Variants in IPCEF1 observed in about 807,000 individuals in gnomAD.
The protein encoded by IPCEF1 is interactor protein for cytohesin exchange factors 1.
A neutral mutation model predicts 50.9 loss-of-function variants in IPCEF1; 31 were observed. The observed-to-expected ratio is 0.61, with a 90% CI of 0.46 to 0.82. The LOEUF (loss-of-function observed/expected upper bound fraction) is 0.82, where lower values mean the gene tolerates loss of function less well. Ranked by LOEUF, IPCEF1 falls within the 40% of genes least tolerant of loss-of-function variation. The pLI, the probability that IPCEF1 is intolerant of heterozygous loss-of-function variation, is 0.00. For synonymous variants in IPCEF1, 181 were observed against 192.0 expected (o/e 0.94, Z 0.47); for missense variants, 458 against 514.0 (o/e 0.89, Z 1.05).
At chr6:154,355,711 A>T (rs1784205666) in intron 1 of IPCEF1, among the ~76,000 whole-genome samples, 1 of 150,724 alleles carries the variant, frequency 6.6e-6, no homozygotes, top group Non-Finnish European at 1.5e-5. Context: ...CTGGTCTCGA[A>T]CTCCTGACCT....
rs946217411 is a variant in IPCEF1 at position 154,256,537 on chromosome 6, G to A, written c.37-9049C>T. Among the ~76,000 whole-genome samples, 15 of 146,122 alleles carry A rather than the reference G, an allele frequency of 1.0e-4. 1 individual carries two copies. The highest frequency in any genetic ancestry group is 1.5e-4 in the African/African-American group (6 of 39,640). ...TCTTTCTCTCTGTGTCTCTGTCTCC[G>A]TCTCTCTCTCTCTCTCTCTCTCTCT... On this transcript the variant is annotated intron_variant, in intron 3 of 11. Coordinates refer to ENST00000367220, the MANE Select transcript of IPCEF1 (RefSeq NM_001130700.2).
intron 1 of IPCEF1, among the ~76,000 whole-genome samples, chr6:154,331,919 G>A (rs1783681326): frequency 6.6e-6 from 1 of 152,086 alleles, no homozygotes; most frequent in African/African-American, 2.4e-5. Context: ...GTCTGATAGG[G>A]CACTTGGTTT....
intron 1 of IPCEF1, among the ~76,000 whole-genome samples, chr6:154,295,347 C>T (rs1448377025): frequency 6.6e-6 from 1 of 152,234 alleles, no homozygotes; most frequent in East Asian, 1.9e-4. Flanking sequence ...GACCACTGCC[C>T]TGGCATCTGC....
intron 1 of IPCEF1, among the ~76,000 whole-genome samples, chr6:154,336,311 T>C (rs971152950): frequency 5.8e-4 from 88 of 152,350 alleles, no homozygotes; most frequent in African/African-American, 1.9e-3. Flanking sequence ...ATGTGGTATA[T>C]GTACACAATG....
intron 1 of IPCEF1, among the ~76,000 whole-genome samples, chr6:154,341,057 A>T (rs1156699133): frequency 1.3e-5 from 2 of 152,152 alleles, no homozygotes; most frequent in Non-Finnish European, 2.9e-5. Flanking sequence ...CTCAAAGTGG[A>T]GAGGGGGCTT....
chr6:154,347,751 AT>A (rs1446851529), intron 1 of IPCEF1, among the ~76,000 whole-genome samples: 2 of 152,168 alleles, frequency 1.3e-5, no homozygotes, highest in Non-Finnish European at 2.9e-5. Context: ...TGCCTAGAAT[AT>A]TTCATAGGCC....
rs533550796 is a variant in IPCEF1, at chr6:154,320,495, G to A, written c.-61-30739C>T. Among the ~76,000 whole-genome samples, 3 of 152,248 alleles carry A rather than the reference G, an allele frequency of 2.0e-5. No individual in the cohort carries two copies. The South Asian group carries it at 6.2e-4, about 32-fold the overall frequency. The stretch of plus-strand genomic sequence containing the variant: ...AACTGGCTCTAATACCGATTTTAGT[G>A]CATCTGAGAATTTAAATAAACCTTA... On this transcript the variant is annotated intron_variant, in intron 1 of 11. Coordinates refer to ENST00000367220, the MANE Select transcript of IPCEF1 (RefSeq NM_001130700.2).
At chr6:154,178,919 A>C (rs1314021211) in intron 10 of IPCEF1, among the ~76,000 whole-genome samples, 1 of 152,212 alleles carries the variant, frequency 6.6e-6, no homozygotes, top group Non-Finnish European at 1.5e-5. Context: ...ATAAAACAGT[A>C]AAATAATAAA....
chr6:154,252,355 A>T (rs1781359049), intron 3 of IPCEF1, among the ~76,000 whole-genome samples: 1 of 152,194 alleles, frequency 6.6e-6, no homozygotes, highest in South Asian at 2.1e-4. Context: ...CAAACCTTCC[A>T]GTACTGTCAG....
intron 1 of IPCEF1, among the ~76,000 whole-genome samples, chr6:154,310,760 A>C (rs1050865884): frequency 2.6e-5 from 4 of 152,176 alleles, no homozygotes; most frequent in African/African-American, 9.7e-5. Context: ...TATAAATACA[A>C]ATACTATATG....
At chr6:154,294,243 C>A (rs1459434564) in intron 1 of IPCEF1, among the ~76,000 whole-genome samples, 4 of 152,186 alleles carry the variant, frequency 2.6e-5, no homozygotes, top group Non-Finnish European at 5.9e-5. Flanking sequence ...TGTAATCTAA[C>A]CCTTTAAAAT....
At chr6:154,350,469 A>G (rs148268057) in intron 1 of IPCEF1, among the ~76,000 whole-genome samples, 192 of 152,312 alleles carry the variant, frequency 1.3e-3, no homozygotes, top group African/African-American at 4.5e-3. Flanking sequence ...CTCCCATTCA[A>G]TGATGAAGTG....
intron 1 of IPCEF1, among the ~76,000 whole-genome samples, chr6:154,339,634 G>GACTGTAGTGCAGTGGTGCAATCGCAGCTC (rs1783862289): frequency 6.6e-6 from 1 of 151,880 alleles, no homozygotes; most frequent in Non-Finnish European, 1.5e-5. Context: ...CTGTTACCCA[G>GACTGTAGTGCAGTGGTGCAATCGCAGCTC]ACTGTAGTGC....
chr6:154,340,891 A>AAAG (rs1235981809), intron 1 of IPCEF1, among the ~76,000 whole-genome samples: 1 of 141,580 alleles, frequency 7.1e-6, no homozygotes, highest in African/African-American at 2.6e-5. Flanking sequence ...TCTCAAAAAA[A>AAAG]AAAAAAGAAA....
intron 10 of IPCEF1, among the ~76,000 whole-genome samples, chr6:154,189,548 A>C (rs1026295614): frequency 2.6e-5 from 4 of 152,264 alleles, no homozygotes; most frequent in African/African-American, 4.8e-5. Flanking sequence ...TGTAGTATAT[A>C]GTTCAAGATA....
At chr6:154,262,713 A>C in intron 3 of IPCEF1, among the ~76,000 whole-genome samples, 1 of 108,098 alleles carries the variant, frequency 9.3e-6, no homozygotes, top group East Asian at 1.6e-3. Flanking sequence ...AACAATCCTA[A>C]TCCTTTCTTT....
chr6:154,331,415 A>AAG (rs1286872855), intron 1 of IPCEF1, among the ~76,000 whole-genome samples: 32 of 57,616 alleles, frequency 5.6e-4, no homozygotes, highest in African/African-American at 2.1e-3. Context: ...AAGAGAGAGA[A>AAG]AAAGAAAGAG....
intron 1 of IPCEF1, among the ~76,000 whole-genome samples, chr6:154,327,348 G>A (rs1783547225): frequency 6.6e-6 from 1 of 151,810 alleles, no homozygotes; most frequent in African/African-American, 2.4e-5. Flanking sequence ...GAGTCTACAA[G>A]GAACTTAAAC....
At position 154,274,934 on chromosome 6, in the gene IPCEF1, C is replaced by T. The variant is rs998333416; in HGVS notation, c.-17-8970G>A. Among the ~76,000 whole-genome samples the T allele has an allele frequency of 2.6e-5, 4 of 152,194 alleles. No individual in the cohort carries two copies. In the East Asian group the frequency reaches 7.7e-4, roughly 29 times the overall value. On this transcript the variant is annotated intron_variant, in intron 2 of 11. Transcript: ENST00000367220. ...GTTGTCTTAAGTTCCATGACACCTGCCTGGAGAGTAGTTGTTGTCACTGGT... is the reference window on the plus strand; with the variant it reads ...GTTGTCTTAAGTTCCATGACACCTGTCTGGAGAGTAGTTGTTGTCACTGGT...
Sources: allele counts gnomAD v4.1 joint callset (sites outside exome capture counted in the v4.1 genomes callset), GRCh38; gene constraint gnomAD v4.1.1; transcripts MANE v1.5; gene names NCBI Gene and HGNC (gene_info 2026-07-23, HGNC 2026-07-21).